The following SLC12A8 variants were observed in gnomAD, a reference collection of about 807,000 sequenced individuals.
The protein encoded by SLC12A8 is solute carrier family 12 member 8.
In SLC12A8, 69 loss-of-function variants were observed where a neutral mutation model predicts 75.6. The observed-to-expected ratio is 0.91, with a 90% CI of 0.75 to 1.11. The LOEUF is 1.11. SLC12A8 is among the 50% of genes most tolerant of loss of function. The pLI is 0.00. For missense variants in SLC12A8, 877 were observed against 896.7 expected (o/e 0.98, Z 0.28); for synonymous variants, 365 against 372.8 (o/e 0.98, Z 0.24).
rs1939057516 is a variant in SLC12A8, at chr3:125,107,478, C to G, written c.1705+3G>C. 1 of 1,600,408 alleles carries G rather than the reference C, an allele frequency of 6.2e-7. No homozygotes were observed. The highest frequency in any genetic ancestry group is 1.1e-5 in the South Asian group (1 of 90,156). On this transcript the variant is annotated splice_donor_region_variant and intron_variant, in intron 10 of 13. Transcript: ENST00000469902. ...GGCCCCAGTGTGATACCAGAGCACT[C>G]ACCTTCTCCACTGGACTCTGATTGG...
At chr3:125,129,149 C>T (rs1933291600) in intron 6 of SLC12A8, among the ~76,000 whole-genome samples, 1 of 152,216 alleles carries the variant, frequency 6.6e-6, no homozygotes, top group Non-Finnish European at 1.5e-5. Context: ...GGCCCTTATC[C>T]CTTCCAGTAA....
chr3:125,095,414 G>A (rs1178242837), intron 10 of SLC12A8, among the ~76,000 whole-genome samples: 1 of 152,016 alleles, frequency 6.6e-6, no homozygotes, highest in African/African-American at 2.4e-5. Context: ...AATATATTCT[G>A]GATACAATGA....
At chr3:125,206,545 C>G (rs1418785335) in intron 2 of SLC12A8, 1 of 152,334 alleles carries the variant, frequency 6.6e-6, no homozygotes, top group African/African-American at 2.4e-5. Flanking sequence ...CAAAACTTGA[C>G]CAGGCTCTAT....
At chr3:125,165,377 C>T (rs1934262388) in intron 5 of SLC12A8, among the ~76,000 whole-genome samples, 1 of 152,254 alleles carries the variant, frequency 6.6e-6, no homozygotes, top group Non-Finnish European at 1.5e-5. Context: ...AGAGGCCATC[C>T]CGGGCACTGC....
chr3:125,099,114 T>G (rs544574495), intron 10 of SLC12A8, among the ~76,000 whole-genome samples: 1 of 152,312 alleles, frequency 6.6e-6, no homozygotes, highest in South Asian at 2.1e-4. Flanking sequence ...TTGACTATGC[T>G]TCCCAAGTGA....
chr3:125,092,321 G>A (rs2107732685), intron 10 of SLC12A8, 123 bp from the exon 11 acceptor site: 2 of 597,494 alleles, frequency 3.3e-6, no homozygotes, highest in Middle Eastern at 4.0e-4. Flanking sequence ...CATCTCCCAG[G>A]GCTTGCTCTT....
At chr3:125,191,091 A>G (rs147171770) in intron 2 of SLC12A8, among the ~76,000 whole-genome samples, 4 of 152,302 alleles carry the variant, frequency 2.6e-5, no homozygotes, top group South Asian at 2.1e-4. Context: ...CACCTCTGCA[A>G]TCAGCCCTGT....
intron 13 of SLC12A8, among the ~76,000 whole-genome samples, chr3:125,085,022 GT>G (rs1345603055): frequency 6.6e-6 from 1 of 152,228 alleles, no homozygotes; most frequent in African/African-American, 2.4e-5. Context: ...TAAACAGAAA[GT>G]TTCAACGGAC....
intron 2 of SLC12A8, among the ~76,000 whole-genome samples, chr3:125,200,607 T>G (rs1015293704): frequency 2.0e-5 from 3 of 152,236 alleles, no homozygotes; most frequent in Non-Finnish European, 4.4e-5. Context: ...GTGGATGAAT[T>G]CACCAAAAGA....
intron 5 of SLC12A8, 46 bp downstream of exon 5, chr3:125,177,697 G>T: frequency 6.7e-7 from 1 of 1,487,388 alleles, no homozygotes; most frequent in Non-Finnish European, 9.4e-7. Flanking sequence ...CATCTCTAAA[G>T]CAGTGAAGAT....
intron 2 of SLC12A8, among the ~76,000 whole-genome samples, chr3:125,201,598 C>A (rs1365187068): frequency 6.6e-6 from 1 of 150,982 alleles, no homozygotes; most frequent in Non-Finnish European, 1.5e-5. Flanking sequence ...AATGGCAAAA[C>A]CCTGCCTCTA....
At chr3:125,140,136 A>G (rs574981962) in intron 5 of SLC12A8, among the ~76,000 whole-genome samples, 1 of 152,368 alleles carries the variant, frequency 6.6e-6, no homozygotes, top group African/African-American at 2.4e-5. Context: ...GCAATGGCCA[A>G]GACTGTGTGC....
intron 5 of SLC12A8, chr3:125,151,694 CTG>C (rs1239917453): frequency 6.6e-6 from 1 of 152,272 alleles, no homozygotes; most frequent in Non-Finnish European, 1.5e-5. Flanking sequence ...GATAACAAGA[CTG>C]TCTTACGTTT....
intron 5 of SLC12A8, among the ~76,000 whole-genome samples, chr3:125,166,608 CG>C (rs1006019066): frequency 6.6e-6 from 1 of 152,180 alleles, no homozygotes; most frequent in African/African-American, 2.4e-5. Flanking sequence ...TCCGACTGTA[CG>C]GGGAGCGCCA....
rs113666388 is a variant in SLC12A8, at chr3:125,137,859, G to A, written c.623-2077C>T. On this transcript the variant is annotated intron_variant, in intron 5 of 13. Transcript: ENST00000469902. ...CTGCCTCAGTTGCCATCTCTTGCAG[G>A]GCCAATGAGAAATGCAGCCCTGCCA... 5.3e-4 allele frequency among the ~76,000 whole-genome samples: 80 copies of A among 152,150 alleles called. 1 individual carries two copies. The highest frequency in any genetic ancestry group is 1.7e-3 in the African/African-American group (71 of 41,500).
chr3:125,111,102 G>C (rs568575811), intron 8 of SLC12A8, among the ~76,000 whole-genome samples: 1 of 152,280 alleles, frequency 6.6e-6, no homozygotes, highest in East Asian at 1.9e-4. Context: ...GTGCTCCATA[G>C]CATCCCCAAC....
chr3:125,117,363 G>T (rs62265708), intron 8 of SLC12A8, among the ~76,000 whole-genome samples: 2 of 150,088 alleles, frequency 1.3e-5, no homozygotes, highest in Non-Finnish European at 3.0e-5. Context: ...GAGGTGGGAG[G>T]ATCACTCAAA....
intron 5 of SLC12A8, chr3:125,151,599 C>T (rs73191256): frequency 0.21 from 32,243 of 152,364 alleles, 3,621 homozygotes; most frequent in African/African-American, 0.23. Flanking sequence ...AAGGGGCAGC[C>T]CTGCTTCCGG....
At chr3:125,100,041 T>A (rs1199640645) in intron 10 of SLC12A8, among the ~76,000 whole-genome samples, 1 of 152,120 alleles carries the variant, frequency 6.6e-6, no homozygotes, top group Non-Finnish European at 1.5e-5. Context: ...CAACAGAAGA[T>A]TTCAGATGAC....
Sources: gnomAD v4.1 joint callset for allele counts (sites outside exome capture counted in the v4.1 genomes callset) on GRCh38, gnomAD v4.1.1 for gene constraint, MANE v1.5 for transcripts, NCBI Gene and HGNC (gene_info 2026-07-23, HGNC 2026-07-21) for gene names.